KTN1: variants seen among roughly 807,000 people sequenced by gnomAD.
KTN1 encodes kinectin.
KTN1 carries 130 observed loss-of-function variants against 222.5 expected under a neutral mutation model. The observed-to-expected ratio is 0.58, with a 90% CI of 0.51 to 0.68. The LOEUF is 0.68. Among genes scored for constraint, KTN1 ranks in the 30% least tolerant of loss-of-function variants. The pLI is 0.00. For synonymous variants in KTN1, 512 were observed against 496.3 expected, an observed-to-expected ratio of 1.03 and a Z score of -0.42; for missense variants, 1,508 against 1,500.4, an observed-to-expected ratio of 1.01 and a Z score of -0.08.
chr14:55,679,293 T>G, intron 42 of KTN1: 1 of 316,016 alleles, frequency 3.2e-6, no homozygotes, highest in Non-Finnish European at 5.7e-6. Context: ...AAAATGGATA[T>G]ATTTCTGATA....
At position 55,630,085 on chromosome 14, in the gene KTN1, G is replaced by A; in HGVS notation, c.1209G>A (p.Gln403=). 1 of 1,610,286 alleles carries A rather than the reference G, an allele frequency of 6.2e-7. No homozygotes were observed. The highest frequency in any genetic ancestry group is 1.1e-5 in the South Asian group (1 of 90,180). ...ATGTCAGTTATCAAGAGACTCAACA[G>A]ATGCAGATGAAGGTATATTTTCATT... The part of the protein sequence containing the change: ...KIHVSYQETQ[Q]MQMKFQQVRE... Residue 403 remains glutamine, a synonymous_variant, in exon 7 of 44, where the codon CAG becomes CAA. Coordinates refer to ENST00000395314, the MANE Select transcript of KTN1 (RefSeq NM_001079521.2).
At chr14:55,653,129 A>G (rs745854755) in intron 27 of KTN1, 44 bp downstream of exon 27, 2 of 1,271,120 alleles carry the variant, frequency 1.6e-6, no homozygotes, top group Non-Finnish European at 2.3e-6. Flanking sequence ...AAGGAATGAT[A>G]AATCTTTGTT....
chr14:55,633,454 G>A, intron 8 of KTN1, 113 bp downstream of exon 8: 1 of 558,210 alleles, frequency 1.8e-6, no homozygotes, highest in African/African-American at 2.0e-5. Flanking sequence ...TTTTACATTT[G>A]TTTCTAAAAT....
intron 1 of KTN1, among the ~76,000 whole-genome samples, chr14:55,598,545 A>G (rs1285466752): frequency 6.6e-6 from 1 of 151,876 alleles, no homozygotes; most frequent in African/African-American, 2.4e-5. Flanking sequence ...AATTTCATAT[A>G]AAGTCTGAAT....
chr14:55,580,965 C>T (rs1173522638), intron 1 of KTN1, among the ~76,000 whole-genome samples: 2 of 152,218 alleles, frequency 1.3e-5, no homozygotes, highest in African/African-American at 4.8e-5. Flanking sequence ...GGCGGTTGGG[C>T]ACGGAAAGCA....
At chr14:55,666,780 A>G (rs1257437464) in intron 33 of KTN1, among the ~76,000 whole-genome samples, 1 of 151,952 alleles carries the variant, frequency 6.6e-6, no homozygotes, top group Non-Finnish European at 1.5e-5. Flanking sequence ...TAAGAGAGTT[A>G]CCATTTTAAT....
At chr14:55,598,349 G>T (rs1204385623) in intron 1 of KTN1, among the ~76,000 whole-genome samples, 1 of 150,824 alleles carries the variant, frequency 6.6e-6, no homozygotes, top group Non-Finnish European at 1.5e-5. Flanking sequence ...GCAGGAGAAT[G>T]GCGGGAGCCC....
At chr14:55,654,134 GT>G (rs1174512081) in intron 28 of KTN1, among the ~76,000 whole-genome samples, 1 of 152,166 alleles carries the variant, frequency 6.6e-6, no homozygotes, top group Non-Finnish European at 1.5e-5. Flanking sequence ...CTTAGAAAAT[GT>G]TTTATTCTAG....
intron 37 of KTN1, 174 bp from the exon 38 acceptor site, chr14:55,672,456 A>G: frequency 1.9e-6 from 1 of 524,208 alleles, no homozygotes; most frequent in Non-Finnish European, 3.4e-6. Context: ...TTGGACCACA[A>G]TTTAAATCAA....
Position 55,652,930 on chromosome 14 carries a change from A to G in KTN1, c.2684A>G (p.Lys895Arg), listed in dbSNP as rs1555381480. ...EKEKDLANTG[K>R]WLQDLQEENE... ...GAGAAAGACCTAGCCAATACAGGGA[A>G]GTGGTTACAGGTGAGAAATTAAAAA... The change falls in exon 26 of 44, where the codon AAG becomes AGG. Residue 895 changes from lysine (K) to arginine (R), a missense_variant. Lys to Arg is a conservative substitution (Grantham distance 26). Transcript: ENST00000395314. 2 of 1,610,086 alleles carry G rather than the reference A, an allele frequency of 1.2e-6. No individual in the cohort carries two copies. Among genetic ancestry groups the G allele is most frequent in the Admixed American group, 3.3e-5 (2 of 59,810 alleles).
chr14:55,637,917 T>G, intron 12 of KTN1, 70 bp downstream of exon 12: 1 of 1,143,206 alleles, frequency 8.7e-7, no homozygotes, highest in South Asian at 1.3e-5. Flanking sequence ...GAATGTCTGT[T>G]GAGTGCCAAT....
At chr14:55,589,136 AAGTT>A (rs1355907993) in intron 1 of KTN1, among the ~76,000 whole-genome samples, 13 of 152,156 alleles carry the variant, frequency 8.5e-5, no homozygotes, top group African/African-American at 3.1e-4. Flanking sequence ...TCATAAATAT[AAGTT>A]AGTTGTAAAG....
At position 55,609,232 on chromosome 14, in the gene KTN1, T is replaced by C. The variant is rs369810837; in HGVS notation, c.-30-2787T>C. 9.2e-5 allele frequency among the ~76,000 whole-genome samples: 14 copies of C among 152,266 alleles called. No homozygotes were observed. The East Asian group carries it at 1.2e-3, about 13-fold the overall frequency. On this transcript the variant is annotated intron_variant, in intron 1 of 43. Coordinates refer to ENST00000395314, the MANE Select transcript of KTN1 (RefSeq NM_001079521.2). ...GTTCTCAGTGTTCCACTCCGACTTA[T>C]GAGTGAGAACATGTGGTGTTTGGTG...
intron 5 of KTN1, among the ~76,000 whole-genome samples, chr14:55,620,772 G>A (rs374993057): frequency 1.3e-5 from 2 of 152,140 alleles, no homozygotes; most frequent in African/African-American, 2.4e-5. Context: ...GCCCATGATA[G>A]GAGGGCCCTT....
chr14:55,658,151 C>A (rs908736169), intron 29 of KTN1, among the ~76,000 whole-genome samples: 1 of 151,992 alleles, frequency 6.6e-6, no homozygotes, highest in Non-Finnish European at 1.5e-5. Flanking sequence ...CTGGGGCAGG[C>A]GGGCTGGGGC....
chr14:55,644,407 C>T (rs1276976137), intron 18 of KTN1: 6 of 702,366 alleles, frequency 8.5e-6, no homozygotes, highest in Non-Finnish European at 1.6e-5. Context: ...GTTGTTGTTT[C>T]TTCAGGTGTA....
At chr14:55,676,054 G>C in intron 41 of KTN1, 136 bp downstream of exon 41, 1 of 556,664 alleles carries the variant, frequency 1.8e-6, no homozygotes, top group East Asian at 3.0e-5. Context: ...TAAGCTGCTT[G>C]TTATTAGTTA....
chr14:55,616,769 A>G (rs1191671624), intron 3 of KTN1, 115 bp downstream of exon 3: 2 of 759,658 alleles, frequency 2.6e-6, no homozygotes, highest in Non-Finnish European at 4.1e-6. Flanking sequence ...GCTAATGACA[A>G]CTGTAATACT....
intron 2 of KTN1, among the ~76,000 whole-genome samples, chr14:55,615,339 A>G (rs953199888): frequency 2.0e-5 from 3 of 152,008 alleles, no homozygotes; most frequent in African/African-American, 7.3e-5. Context: ...CGCATTATAC[A>G]CTAATTCCCC....
Sources: allele counts gnomAD v4.1 joint callset (sites outside exome capture counted in the v4.1 genomes callset), GRCh38; gene constraint gnomAD v4.1.1; transcripts MANE v1.5; gene names NCBI Gene and HGNC (gene_info 2026-07-23, HGNC 2026-07-21).